IPCEF1: variants seen among roughly 807,000 people sequenced by gnomAD.
IPCEF1 encodes interactor protein for cytohesin exchange factors 1.
Under a neutral mutation model 50.9 loss-of-function variants are expected in IPCEF1, and 31 were observed. That is an observed-to-expected ratio of 0.61 (90% CI 0.46 to 0.82). The LOEUF is 0.82. Ranked by LOEUF, IPCEF1 falls within the 40% of genes least tolerant of loss-of-function variation. The probability of loss-of-function intolerance (pLI) is 0.00; values close to 1 mark genes in which losing one functional copy is unlikely to be tolerated. For synonymous variants in IPCEF1, 181 were observed against 192.0 expected, an observed-to-expected ratio of 0.94 and a Z score of 0.47; for missense variants, 458 against 514.0, an observed-to-expected ratio of 0.89 and a Z score of 1.05.
chr6:154,247,633 T>C lies in IPCEF1; in HGVS notation c.37-145A>G, dbSNP rs114955129. The C allele has an allele frequency of 3.4e-3, 2,028 of 590,750 alleles. 33 individuals carry two copies. The highest frequency in any genetic ancestry group is 0.033 in the African/African-American group (1,768 of 53,714). The allele number at this position is 590,750 out of a possible 1,614,324, so 36.6% of individuals were successfully genotyped here. ...CTCCAGGCAGAGCTTAACGGGGAGC[T>C]ACTAGCTGAGGCACAAAATGTGCTA... On this transcript the variant is annotated intron_variant, in intron 3 of 11. Coordinates refer to ENST00000367220, the MANE Select transcript of IPCEF1 (RefSeq NM_001130700.2).
chr6:154,270,202 G>A (rs980380002), intron 2 of IPCEF1, among the ~76,000 whole-genome samples: 1 of 152,164 alleles, frequency 6.6e-6, no homozygotes, highest in African/African-American at 2.4e-5. Context: ...ATATCAAGAG[G>A]TTTCCAGTTC....
intron 2 of IPCEF1, among the ~76,000 whole-genome samples, chr6:154,266,835 A>G (rs1781769319): frequency 6.6e-6 from 1 of 152,078 alleles, no homozygotes; most frequent in African/African-American, 2.4e-5. Context: ...AAACAAAAGG[A>G]AAAAAATCCT....
intron 9 of IPCEF1, among the ~76,000 whole-genome samples, chr6:154,206,097 T>C (rs902065938): frequency 2.6e-5 from 4 of 152,162 alleles, no homozygotes; most frequent in African/African-American, 9.6e-5. Context: ...CCCTAGCACA[T>C]GGTAAATACA....
In IPCEF1 at chr6:154,281,805, C is replaced by T. The variant is rs557597131; in HGVS notation, c.-18+7908G>A. 3.3e-5 allele frequency among the ~76,000 whole-genome samples: 5 copies of T among 152,238 alleles called. No individual in the cohort carries two copies. In the South Asian group the frequency reaches 1.0e-3, roughly 32 times the overall value. Reference sequence around the variant, plus strand: ...ATCACCTGAGGTTAGGAGTTCGAGACCAGCCTGGCCAACATGGTGAAACCA... The same window carrying T: ...ATCACCTGAGGTTAGGAGTTCGAGATCAGCCTGGCCAACATGGTGAAACCA... On this transcript the variant is annotated intron_variant, in intron 2 of 11. Transcript: ENST00000367220.
chr6:154,313,067 C>CAA (rs71021040), intron 1 of IPCEF1, among the ~76,000 whole-genome samples: 16 of 59,036 alleles, frequency 2.7e-4, no homozygotes, highest in African/African-American at 9.4e-4. Flanking sequence ...GGCCCTGTCT[C>CAA]AAAAAAAAAA....
chr6:154,211,442 T>C (rs1259076885), intron 9 of IPCEF1, among the ~76,000 whole-genome samples: 2 of 149,984 alleles, frequency 1.3e-5, no homozygotes, highest in East Asian at 3.9e-4. Flanking sequence ...AGGAAAAGCA[T>C]GTCCTATAAA....
intron 2 of IPCEF1, among the ~76,000 whole-genome samples, chr6:154,273,724 C>CTTTT (rs71021036): frequency 1.6e-5 from 1 of 63,316 alleles, no homozygotes; most frequent in African/African-American, 5.6e-5. Context: ...TTCTTTCTTT[C>CTTTT]TTTTTTTTTT....
At chr6:154,202,249 TA>T (rs567418627) in intron 9 of IPCEF1, among the ~76,000 whole-genome samples, 7 of 152,116 alleles carry the variant, frequency 4.6e-5, no homozygotes, top group Middle Eastern at 3.4e-3. Context: ...GGCACGTACA[TA>T]AAAAAAATCC....
At chr6:154,335,564 G>A (rs1045977190) in intron 1 of IPCEF1, among the ~76,000 whole-genome samples, 2 of 151,972 alleles carry the variant, frequency 1.3e-5, no homozygotes, top group Non-Finnish European at 2.9e-5. Flanking sequence ...GGTCGAGCAC[G>A]GTGGCTCATG....
intron 5 of IPCEF1, among the ~76,000 whole-genome samples, chr6:154,234,143 G>A (rs1245424762): frequency 1.3e-5 from 2 of 152,152 alleles, no homozygotes; most frequent in African/African-American, 4.8e-5. Flanking sequence ...AGGAGTTTGA[G>A]GTTGTGGTGA....
chr6:154,202,162 C>T (rs554785652), intron 9 of IPCEF1, among the ~76,000 whole-genome samples: 23 of 152,288 alleles, frequency 1.5e-4, no homozygotes, highest in African/African-American at 4.8e-4. Context: ...TCAATAAATA[C>T]ACTTTTAAGT....
chr6:154,354,395 CA>C lies in IPCEF1; in HGVS notation c.-62+2276del, dbSNP rs766848902. ...CATCTGTCACCTCCACCGTCACCTC[CA>C]ACCACCATCTCCACCACCACCTCCA... On this transcript the variant is annotated intron_variant, in intron 1 of 11. Coordinates refer to ENST00000367220, the MANE Select transcript of IPCEF1 (RefSeq NM_001130700.2). 9.5e-4 allele frequency among the ~76,000 whole-genome samples: 80 copies of C among 84,292 alleles called. 1 individual carries two copies. The East Asian group carries it at 0.014, about 15-fold the overall frequency. The allele number at this position is 84,292 out of a possible 152,430, so 55.3% of individuals were successfully genotyped here.
chr6:154,176,088 T>C (rs1257102725), intron 10 of IPCEF1, among the ~76,000 whole-genome samples: 1 of 152,180 alleles, frequency 6.6e-6, no homozygotes, highest in Non-Finnish European at 1.5e-5. Context: ...ATTATGTCAA[T>C]AGATGCAGAA....
At position 154,156,779 on chromosome 6, in the gene IPCEF1, C is replaced by T. The variant is rs1420608534; in HGVS notation, c.*3049G>A. ...AAAGACGCCCTTGCAATGCAGGGCT[C>T]AGAGTGTCTATTTGCAATATATCAA... On this transcript the variant is annotated 3_prime_UTR_variant, in exon 12 of 12. Transcript: ENST00000367220. 5 of 152,126 alleles carry T rather than the reference C, an allele frequency of 3.3e-5. No individual in the cohort carries two copies. The highest frequency in any genetic ancestry group is 4.8e-5 in the African/African-American group (2 of 41,400). 9.4% of individuals were successfully genotyped at this position (152,126 alleles called of 1,614,324 possible). A position where few individuals can be genotyped will look rare whatever the true frequency, so the allele number is the denominator to read the frequency against.
At chr6:154,176,787 T>G (rs888913383) in intron 10 of IPCEF1, among the ~76,000 whole-genome samples, 2 of 152,186 alleles carry the variant, frequency 1.3e-5, no homozygotes, top group Middle Eastern at 3.2e-3. Context: ...CCACTGACTC[T>G]TCACAGAATT....
At chr6:154,279,104 C>A in intron 2 of IPCEF1, among the ~76,000 whole-genome samples, 1 of 149,008 alleles carries the variant, frequency 6.7e-6, no homozygotes. Context: ...AAATCATAGA[C>A]AGAGCCAGAC....
intron 10 of IPCEF1, among the ~76,000 whole-genome samples, chr6:154,174,638 TGCACCCAATACAGGA>T (rs1800154456): frequency 6.6e-6 from 1 of 152,176 alleles, no homozygotes; most frequent in South Asian, 2.1e-4. Flanking sequence ...TAAATATATA[TGCACCCAATACAGGA>T]GCACCCAGAT....
chr6:154,218,452 T>A (rs1488156297), intron 7 of IPCEF1, among the ~76,000 whole-genome samples: 5 of 152,136 alleles, frequency 3.3e-5, no homozygotes. Flanking sequence ...AATGTCACTA[T>A]CCAGAAATGC....
intron 2 of IPCEF1, among the ~76,000 whole-genome samples, chr6:154,284,150 G>T (rs1007149857): frequency 1.3e-5 from 2 of 152,122 alleles, no homozygotes; most frequent in Admixed American, 6.5e-5. Flanking sequence ...TAATGATTTT[G>T]TTGGGGAAAA....
Sources: gnomAD v4.1 joint callset for allele counts (sites outside exome capture counted in the v4.1 genomes callset) on GRCh38, gnomAD v4.1.1 for gene constraint, MANE v1.5 for transcripts, NCBI Gene and HGNC (gene_info 2026-07-23, HGNC 2026-07-21) for gene names.